Variants in FEZ1 observed in about 807,000 individuals in gnomAD.
FEZ1 encodes fasciculation and elongation protein zeta 1, also known as fasciculation and elongation protein zeta-1.
FEZ1 carries 20 observed loss-of-function variants against 49.3 expected under a neutral mutation model. That is an observed-to-expected ratio of 0.41 (90% CI 0.29 to 0.59). The LOEUF (loss-of-function observed/expected upper bound fraction) is 0.59. Ranked by LOEUF, FEZ1 falls within the 20% of genes least tolerant of loss-of-function variation. The pLI is 0.36. For synonymous variants in FEZ1, 170 were observed against 180.9 expected, an observed-to-expected ratio of 0.94 and a Z score of 0.48; for missense variants, 413 against 476.0, an observed-to-expected ratio of 0.87 and a Z score of 1.23.
intron 2 of FEZ1, among the ~76,000 whole-genome samples, chr11:125,485,978 C>T (rs1957323186): frequency 6.6e-6 from 1 of 152,104 alleles, no homozygotes; most frequent in Admixed American, 6.6e-5. Context: ...ATTAGCAGCA[C>T]ATTAATGCGT....
chr11:125,446,184 C>A (rs1402108709), intron 9 of FEZ1, 73 bp from the exon 10 acceptor site: 4 of 1,468,958 alleles, frequency 2.7e-6, no homozygotes, highest in African/African-American at 1.4e-5. Flanking sequence ...CCCTGGATAG[C>A]CCTAGCTGAG....
rs746568731 is a variant in FEZ1 at position 125,463,483 on chromosome 11, C to T, written c.498+1G>A. On this transcript the variant is annotated splice_donor_variant, in intron 4 of 9. Transcript: ENST00000278919. LOFTEE classifies it high-confidence loss of function. Reference sequence around the variant, plus strand: ...CCGATAACCTGGAGAGATACTTATACCTGATCTGCTGTGAGCAGAGGCTCC... The same window carrying T: ...CCGATAACCTGGAGAGATACTTATATCTGATCTGCTGTGAGCAGAGGCTCC... The T allele has an allele frequency of 1.3e-6, 2 of 1,573,690 alleles. No individual in the cohort carries two copies. The highest frequency in any genetic ancestry group is 2.2e-5 in the East Asian group (1 of 44,660).
At chr11:125,464,427 A>G (rs756182237) in intron 3 of FEZ1, among the ~76,000 whole-genome samples, 12 of 152,034 alleles carry the variant, frequency 7.9e-5, no homozygotes, top group Non-Finnish European at 1.6e-4. Context: ...TTTGAACGTC[A>G]TACAAGGAGG....
chr11:125,461,721 G>A (rs921095984), intron 4 of FEZ1, among the ~76,000 whole-genome samples: 6 of 152,342 alleles, frequency 3.9e-5, no homozygotes, highest in African/African-American at 1.4e-4. Flanking sequence ...CTTCACCTTT[G>A]TCTGTTCTCC....
At chr11:125,482,690 C>T (rs582108) in intron 2 of FEZ1, among the ~76,000 whole-genome samples, 1 of 151,854 alleles carries the variant, frequency 6.6e-6, no homozygotes, top group South Asian at 2.1e-4. Flanking sequence ...TGAGGCCGGG[C>T]GCGATGGCTC....
chr11:125,470,985 T>A (rs1289852464), intron 3 of FEZ1, among the ~76,000 whole-genome samples: 1 of 152,162 alleles, frequency 6.6e-6, no homozygotes, highest in Non-Finnish European at 1.5e-5. Context: ...CTGTGACAAA[T>A]GTTTTACATT....
rs1957355257 is a variant in FEZ1 at position 125,489,037 on chromosome 11, C to A, written c.311+430G>T. On this transcript the variant is annotated intron_variant, in intron 2 of 9. Coordinates refer to ENST00000278919, the MANE Select transcript of FEZ1 (RefSeq NM_005103.5). This position sits in a 1 kb window ranked among gnomAD's most constrained non-coding sequence, Gnocchi z 4.2. ...TAGATAACTCTCCAGGCCTGAGGGG[C>A]TGTCAAAAATTCGGGATTTTCAAAA... 1 of 986,578 alleles carries A rather than the reference C, an allele frequency of 1.0e-6. No individual in the cohort carries two copies. Among genetic ancestry groups the A allele is most frequent in the African/African-American group, 1.7e-5 (1 of 57,396 alleles). 61.1% of individuals were successfully genotyped at this position (986,578 alleles called of 1,614,324 possible). A position where few individuals can be genotyped will look rare whatever the true frequency, so the allele number is the denominator to read the frequency against.
intron 3 of FEZ1, among the ~76,000 whole-genome samples, chr11:125,465,809 A>C: frequency 6.7e-6 from 1 of 149,030 alleles, no homozygotes; most frequent in Non-Finnish European, 1.5e-5. Context: ...CACCCTTCCC[A>C]CCCTCCCTAG....
intron 3 of FEZ1, among the ~76,000 whole-genome samples, chr11:125,474,470 C>T (rs1308510876): frequency 6.6e-6 from 1 of 152,122 alleles, no homozygotes; most frequent in Non-Finnish European, 1.5e-5. Context: ...ACTCAGCCTT[C>T]ATCACATTTA....
At chr11:125,455,501 T>G in intron 6 of FEZ1, 1 of 354,004 alleles carries the variant, frequency 2.8e-6, no homozygotes, top group Non-Finnish European at 5.2e-6. Context: ...CAAGGAGGGA[T>G]TTGGACCCAG....
At chr11:125,481,961 T>G (rs1041137418) in intron 2 of FEZ1, among the ~76,000 whole-genome samples, 2 of 152,012 alleles carry the variant, frequency 1.3e-5, no homozygotes, top group Non-Finnish European at 2.9e-5. Context: ...TCCAAATAGC[T>G]CATGTTTCTG....
chr11:125,462,494 G>A (rs569137800), intron 4 of FEZ1, among the ~76,000 whole-genome samples: 7 of 152,164 alleles, frequency 4.6e-5, no homozygotes, highest in Non-Finnish European at 1.0e-4. Flanking sequence ...TGGGAAAACA[G>A]GTATTTGGGA....
intron 1 of FEZ1, among the ~76,000 whole-genome samples, chr11:125,493,489 G>GAGA (rs1565307273): frequency 2.2e-4 from 11 of 49,708 alleles, no homozygotes; most frequent in Non-Finnish European, 3.5e-4. Context: ...AAGGAAAGAA[G>GAGA]GAAAGAAAGA....
intron 3 of FEZ1, among the ~76,000 whole-genome samples, chr11:125,464,174 A>G (rs550898251): frequency 1.3e-5 from 2 of 152,236 alleles, no homozygotes; most frequent in Non-Finnish European, 1.5e-5. Context: ...AACAACAACA[A>G]AACTACAAAA....
intron 5 of FEZ1, among the ~76,000 whole-genome samples, chr11:125,460,020 TG>T (rs1957058433): frequency 6.6e-6 from 1 of 151,748 alleles, no homozygotes; most frequent in African/African-American, 2.4e-5. Flanking sequence ...CACTTCAACC[TG>T]GGAGGTGGAG....
chr11:125,484,125 A>T (rs985131521), intron 2 of FEZ1, among the ~76,000 whole-genome samples: 3 of 152,168 alleles, frequency 2.0e-5, no homozygotes, highest in African/African-American at 7.2e-5. Flanking sequence ...TCAGTTGTAT[A>T]CCCTTTCCAT....
At chr11:125,487,767 T>A (rs542291673) in intron 2 of FEZ1, among the ~76,000 whole-genome samples, 2 of 152,360 alleles carry the variant, frequency 1.3e-5, no homozygotes, top group East Asian at 3.9e-4. Flanking sequence ...TTATTTGATA[T>A]TCAATATTTC....
rs1169523377 is a variant in FEZ1, at chr11:125,457,469, TATGTATATATACAC to T, written c.668-1377_668-1364del. On this transcript the variant is annotated intron_variant, in intron 5 of 9. Transcript: ENST00000278919. ...ATATATATGTATATATACACATATA[TATGTATATATACAC>T]ATATATGTGTATATATGTATATATA... Among the ~76,000 whole-genome samples the T allele has an allele frequency of 2.3e-3, 158 of 69,070 alleles. 4 individuals are homozygous for T. The highest frequency in any genetic ancestry group is 7.2e-3 in the Middle Eastern group (1 of 138). The allele number at this position is 69,070 out of a possible 152,430, so 45.3% of individuals were successfully genotyped here.
intron 5 of FEZ1, among the ~76,000 whole-genome samples, chr11:125,459,394 A>G (rs1276413698): frequency 6.6e-6 from 1 of 151,492 alleles, no homozygotes; most frequent in Non-Finnish European, 1.5e-5. Flanking sequence ...GAGTTTGAGA[A>G]CAGCCTGGCC....
Sources: gnomAD v4.1 joint callset for allele counts (sites outside exome capture counted in the v4.1 genomes callset) on GRCh38, gnomAD v4.1.1 for gene constraint, Gnocchi (gnomAD v3.1) non-coding constraint, MANE v1.5 for transcripts, NCBI Gene and HGNC (gene_info 2026-07-23, HGNC 2026-07-21) for gene names.